GHR: variants seen among roughly 807,000 people sequenced by gnomAD.
GHR encodes growth hormone receptor.
In GHR, 35 loss-of-function variants were observed where a neutral mutation model predicts 67.1. That is an observed-to-expected ratio of 0.52 (90% CI 0.40 to 0.69). The LOEUF (loss-of-function observed/expected upper bound fraction) is 0.69. Ranked by LOEUF, GHR falls within the 30% of genes least tolerant of loss-of-function variation. The pLI, the probability that GHR is intolerant of heterozygous loss-of-function variation, is 0.00. For synonymous variants in GHR, 272 were observed against 269.1 expected (o/e 1.01, Z -0.10); for missense variants, 792 against 764.6 (o/e 1.04, Z -0.42).
chr5:42,717,633 T>C (rs1758784427), intron 8 of GHR, among the ~76,000 whole-genome samples: 1 of 152,164 alleles, frequency 6.6e-6, no homozygotes, highest in Admixed American at 6.5e-5. Flanking sequence ...TCCATGTGGA[T>C]TGACTCTTTT....
intron 2 of GHR, among the ~76,000 whole-genome samples, chr5:42,585,809 G>T (rs1751446206): frequency 6.6e-6 from 1 of 151,910 alleles, no homozygotes. Context: ...AGAAGGGGAA[G>T]AATATCTAAG....
chr5:42,592,572 C>T (rs754278689), intron 2 of GHR, among the ~76,000 whole-genome samples: 3 of 152,198 alleles, frequency 2.0e-5, no homozygotes, highest in Non-Finnish European at 2.9e-5. Flanking sequence ...CAGCACTATC[C>T]ATGTGGCTGC....
intron 1 of GHR, among the ~76,000 whole-genome samples, chr5:42,455,092 T>C (rs1744206228): frequency 6.6e-6 from 1 of 152,122 alleles, no homozygotes; most frequent in Admixed American, 6.5e-5. Flanking sequence ...TACTTTTGTG[T>C]TTCACGTGGC....
intron 1 of GHR, among the ~76,000 whole-genome samples, chr5:42,506,120 A>C (rs886262610): frequency 1.3e-5 from 2 of 152,204 alleles, no homozygotes; most frequent in Non-Finnish European, 2.9e-5. Context: ...TATTTACTCC[A>C]TGCTGCATAC....
intron 1 of GHR, among the ~76,000 whole-genome samples, chr5:42,516,571 C>T (rs533162187): frequency 2.0e-5 from 3 of 152,160 alleles, no homozygotes; most frequent in South Asian, 4.2e-4. Context: ...GTATCTGACC[C>T]TGGAGAGAAA....
intron 1 of GHR, among the ~76,000 whole-genome samples, chr5:42,533,485 A>G (rs1175137537): frequency 1.3e-5 from 2 of 151,718 alleles, no homozygotes; most frequent in African/African-American, 4.8e-5. Flanking sequence ...AATATTTTTT[A>G]TTACTCTAGA....
Position 42,424,214 on chromosome 5 carries a change from G to C in GHR, c.-12+259G>C, listed in dbSNP as rs1321737023. 6.7e-6 allele frequency among the ~76,000 whole-genome samples: 1 copy of C among 149,018 alleles called. No homozygotes were observed. Among genetic ancestry groups the C allele is most frequent in the Non-Finnish European group, 1.5e-5 (1 of 66,890 alleles). On this transcript the variant is annotated intron_variant, in intron 1 of 9. Coordinates refer to ENST00000230882, the MANE Select transcript of GHR (RefSeq NM_000163.5). This position sits in a 1 kb window ranked among gnomAD's most constrained non-coding sequence, Gnocchi z 4.1. ...TGTGTGTGTGTGTGTGTGTGTGTGTGTGTGTCTGGAAGTTGGTGAGGGCGG... is the reference window on the plus strand; with the variant it reads ...TGTGTGTGTGTGTGTGTGTGTGTGTCTGTGTCTGGAAGTTGGTGAGGGCGG...
chr5:42,439,122 A>C (rs932126688), intron 1 of GHR, among the ~76,000 whole-genome samples: 4 of 152,260 alleles, frequency 2.6e-5, no homozygotes, highest in African/African-American at 9.6e-5. Flanking sequence ...CATCATAGTT[A>C]CAATGACATC....
In GHR at chr5:42,632,971, A is replaced by T. The variant is rs140109418; in HGVS notation, c.136+3868A>T. Among the ~76,000 whole-genome samples the T allele has an allele frequency of 2.7e-3, 408 of 152,350 alleles. 2 individuals are homozygous for T. The highest frequency in any genetic ancestry group is 9.5e-3 in the African/African-American group (395 of 41,590). ...ATTCCCAAATAAGACAGGCACCTCA[A>T]CTAGGGTGCTGTGGTTGCACGTTCT... is the stretch of plus-strand genomic sequence containing the variant. On this transcript the variant is annotated intron_variant, in intron 3 of 9. Transcript: ENST00000230882.
intron 3 of GHR, among the ~76,000 whole-genome samples, chr5:42,665,603 G>A (rs1755920270): frequency 6.6e-6 from 1 of 152,050 alleles, no homozygotes; most frequent in Non-Finnish European, 1.5e-5. Context: ...TTGTGGGGGT[G>A]GAGGAGGGGG....
At chr5:42,430,914 A>C (rs1509455) in intron 1 of GHR, among the ~76,000 whole-genome samples, 120,033 of 152,022 alleles carry the variant, frequency 0.79, 47,598 homozygotes, top group East Asian at 0.89. Context: ...ATAATATGAA[A>C]TAATAGTAAA....
At chr5:42,450,234 G>A (rs960329639) in intron 1 of GHR, among the ~76,000 whole-genome samples, 1 of 152,108 alleles carries the variant, frequency 6.6e-6, no homozygotes, top group Non-Finnish European at 1.5e-5. Context: ...ATAGAATTCA[G>A]CTGTGAATCC....
At chr5:42,619,949 C>G (rs545116265) in intron 2 of GHR, 15 of 152,302 alleles carry the variant, frequency 9.8e-5, no homozygotes, top group African/African-American at 3.6e-4. Context: ...GCCTAGTAAA[C>G]AAGTACCAAG....
chr5:42,617,047 G>A (rs75360074), intron 2 of GHR, among the ~76,000 whole-genome samples: 2,031 of 151,992 alleles, frequency 0.013, 34 homozygotes, highest in African/African-American at 0.047. Flanking sequence ...ATCCAGGAAT[G>A]GAAAGGAAAT....
At chr5:42,475,695 G>T (rs1349326919) in intron 1 of GHR, among the ~76,000 whole-genome samples, 1 of 151,960 alleles carries the variant, frequency 6.6e-6, no homozygotes, top group African/African-American at 2.4e-5. Flanking sequence ...TAACAATTTG[G>T]AAATTGCCTG....
intron 1 of GHR, among the ~76,000 whole-genome samples, chr5:42,505,134 T>C (rs931552805): frequency 1.6e-4 from 25 of 151,630 alleles, no homozygotes; most frequent in East Asian, 3.9e-4. Context: ...TTTTTTTTTT[T>C]TTTCTTTCTT....
intron 1 of GHR, among the ~76,000 whole-genome samples, chr5:42,475,434 A>AT (rs36088008): frequency 0.45 from 67,865 of 151,464 alleles, 16,123 homozygotes; most frequent in Middle Eastern, 0.57. Flanking sequence ...TATTATGGTC[A>AT]TTTTTTTTAT....
At chr5:42,700,041 C>T (rs888543890) in intron 6 of GHR, 39 bp downstream of exon 6, 1 of 1,255,458 alleles carries the variant, frequency 8.0e-7, no homozygotes, top group Admixed American at 1.7e-5. Flanking sequence ...ACTTTTCTTT[C>T]TATTTCAACA....
At chr5:42,480,909 T>A (rs1327838499) in intron 1 of GHR, among the ~76,000 whole-genome samples, 3 of 152,222 alleles carry the variant, frequency 2.0e-5, no homozygotes, top group Non-Finnish European at 4.4e-5. Flanking sequence ...TATCATTATG[T>A]GTGAATTTGA....
Sources: allele counts gnomAD v4.1 joint callset (sites outside exome capture counted in the v4.1 genomes callset), GRCh38; gene constraint gnomAD v4.1.1; non-coding constraint Gnocchi (gnomAD v3.1); transcripts MANE v1.5; gene names NCBI Gene and HGNC (gene_info 2026-07-23, HGNC 2026-07-21).